The following USH2A variants were observed in gnomAD, a reference collection of about 807,000 sequenced individuals.
USH2A encodes the protein usherin.
Under a neutral mutation model 538.9 loss-of-function variants are expected in USH2A, and 443 were observed. That is an observed-to-expected ratio of 0.82 (90% CI 0.76 to 0.89). The LOEUF (loss-of-function observed/expected upper bound fraction) is 0.89, where lower values mean the gene tolerates loss of function less well. Among genes scored for constraint, USH2A ranks in the 40% least tolerant of loss-of-function variants. The pLI is 0.00. For synonymous variants in USH2A, 2,413 were observed against 2,273.5 expected, an observed-to-expected ratio of 1.06 and a Z score of -1.75; for missense variants, 6,633 against 6,324.8, an observed-to-expected ratio of 1.05 and a Z score of -1.65.
At chr1:215,699,231 A>G (rs565096585) in intron 61 of USH2A, among the ~76,000 whole-genome samples, 3 of 152,140 alleles carry the variant, frequency 2.0e-5, no homozygotes, top group Non-Finnish European at 4.4e-5. Flanking sequence ...GCCTTGTAGT[A>G]TAGTTTGAAG....
At chr1:215,887,019 G>A (rs1367598056) in intron 41 of USH2A, among the ~76,000 whole-genome samples, 7 of 152,012 alleles carry the variant, frequency 4.6e-5, no homozygotes, top group African/African-American at 1.4e-4. Context: ...CACCAAGCCT[G>A]GCTAATTTTT....
intron 61 of USH2A, among the ~76,000 whole-genome samples, chr1:215,687,379 T>C (rs1658463505): frequency 6.6e-6 from 1 of 151,370 alleles, no homozygotes; most frequent in Non-Finnish European, 1.5e-5. Context: ...GTTTTTTTTT[T>C]CCTCTCTTTA....
chr1:215,745,822 G>T (rs1660454875), intron 58 of USH2A, among the ~76,000 whole-genome samples: 1 of 152,110 alleles, frequency 6.6e-6, no homozygotes, highest in African/African-American at 2.4e-5. Flanking sequence ...TGACAAGATA[G>T]GTTTGAGAAA....
chr1:215,648,438 T>C (rs1034529459), intron 66 of USH2A, 90 bp downstream of exon 66: 7 of 1,378,278 alleles, frequency 5.1e-6, no homozygotes, highest in Middle Eastern at 1.8e-4. Flanking sequence ...TACAGGTTTG[T>C]AGCCTAGGTG....
At chr1:216,368,499 C>T (rs918711963) in intron 3 of USH2A, among the ~76,000 whole-genome samples, 1 of 152,132 alleles carries the variant, frequency 6.6e-6, no homozygotes, top group Admixed American at 6.5e-5. Flanking sequence ...TGTTACTGGA[C>T]AAATGGTAAT....
chr1:216,147,973 G>GTT (rs2033745706), intron 21 of USH2A, among the ~76,000 whole-genome samples: 2 of 28,622 alleles, frequency 7.0e-5, no homozygotes, highest in African/African-American at 2.8e-4. Context: ...CTGGCCCAAG[G>GTT]CTCTCTGACT....
At chr1:215,673,256 G>A (rs1657881758) in intron 63 of USH2A, among the ~76,000 whole-genome samples, 1 of 151,992 alleles carries the variant, frequency 6.6e-6, no homozygotes, top group Admixed American at 6.5e-5. Context: ...GTAATTATAG[G>A]AGGATCTAAT....
intron 60 of USH2A, among the ~76,000 whole-genome samples, chr1:215,735,308 A>G (rs1660126243): frequency 1.3e-5 from 2 of 152,166 alleles, no homozygotes; most frequent in African/African-American, 4.8e-5. Flanking sequence ...CACCTCCATG[A>G]TATCTTAGAG....
intron 35 of USH2A, among the ~76,000 whole-genome samples, chr1:215,987,848 TA>T (rs1263246118): frequency 6.6e-6 from 1 of 152,182 alleles, no homozygotes; most frequent in Non-Finnish European, 1.5e-5. Context: ...GTGAGAAAAG[TA>T]AATTCCACAA....
At chr1:216,106,976 A>C (rs2032750845) in intron 21 of USH2A, among the ~76,000 whole-genome samples, 1 of 151,876 alleles carries the variant, frequency 6.6e-6, no homozygotes, top group East Asian at 1.9e-4. Context: ...TAAACAGAGA[A>C]TATATTCTGA....
At chr1:215,800,730 C>A (rs1206577874) in intron 49 of USH2A, among the ~76,000 whole-genome samples, 1 of 152,052 alleles carries the variant, frequency 6.6e-6, no homozygotes, top group Non-Finnish European at 1.5e-5. Flanking sequence ...AGCAGCTATC[C>A]TTGAGATCTT....
rs983763783 is a variant in USH2A, at chr1:215,798,945, C to T, written c.9920G>A (p.Cys3307Tyr). The T allele has an allele frequency of 1.2e-6, 2 of 1,613,944 alleles. No individual in the cohort carries two copies. Among genetic ancestry groups the T allele is most frequent in the Admixed American group, 1.7e-5 (1 of 59,980 alleles). The part of the protein sequence containing the change: ...RQIVSNDLEC[C>Y]GGEEGVVYNR... Reference sequence around the variant, plus strand: ...GTACACCACTCCTTCTTCTCCACCACAACACTCTAAATCGTTGCTCACAAT... The same window carrying T: ...GTACACCACTCCTTCTTCTCCACCATAACACTCTAAATCGTTGCTCACAAT... Residue 3307 changes from cysteine to tyrosine, a missense_variant, in exon 50 of 72, where the codon TGT (cysteine) becomes TAT (tyrosine). Physicochemically the swap from Cys to Tyr is radical, Grantham distance 194. Coordinates refer to ENST00000307340, the MANE Select transcript of USH2A (RefSeq NM_206933.4).
chr1:215,633,288 G>A (rs1017104673), intron 70 of USH2A, among the ~76,000 whole-genome samples: 3 of 152,290 alleles, frequency 2.0e-5, no homozygotes, highest in East Asian at 3.9e-4. Flanking sequence ...ACAGATGTGA[G>A]TAGAGAGCCA....
intron 55 of USH2A, among the ~76,000 whole-genome samples, chr1:215,770,886 CTT>C (rs1306668986): frequency 3.6e-5 from 5 of 140,394 alleles, no homozygotes; most frequent in Non-Finnish European, 6.1e-5. Context: ...GGGTGGATCA[CTT>C]GAGGTCAGGA....
chr1:216,159,814 A>T (rs2034018877), intron 21 of USH2A, among the ~76,000 whole-genome samples: 2 of 152,084 alleles, frequency 1.3e-5, no homozygotes, highest in South Asian at 4.1e-4. Context: ...AAAAGACTTA[A>T]CTATAGATTT....
chr1:215,834,172 G>A (rs1417843176), intron 47 of USH2A, among the ~76,000 whole-genome samples: 2 of 152,122 alleles, frequency 1.3e-5, no homozygotes, highest in Non-Finnish European at 2.9e-5. Context: ...TTATGACTCA[G>A]CAATCCAACT....
At chr1:216,298,682 AT>A (rs2037153114) in intron 9 of USH2A, among the ~76,000 whole-genome samples, 1 of 152,154 alleles carries the variant, frequency 6.6e-6, no homozygotes, top group Non-Finnish European at 1.5e-5. Flanking sequence ...TCAAATTATT[AT>A]TTTTTAGATT....
At chr1:216,122,527 C>G (rs550693575) in intron 21 of USH2A, among the ~76,000 whole-genome samples, 1 of 151,972 alleles carries the variant, frequency 6.6e-6, no homozygotes, top group Non-Finnish European at 1.5e-5. Flanking sequence ...AGCCAGGCAG[C>G]AATACTGGTT....
intron 32 of USH2A, among the ~76,000 whole-genome samples, chr1:216,040,915 G>A (rs147530190): frequency 3.3e-5 from 5 of 151,916 alleles, no homozygotes; most frequent in African/African-American, 1.2e-4. Flanking sequence ...CCACAAAACT[G>A]GGAGAAAAAT....
Sources: allele counts gnomAD v4.1 joint callset (sites outside exome capture counted in the v4.1 genomes callset), GRCh38; gene constraint gnomAD v4.1.1; transcripts MANE v1.5; gene names NCBI Gene and HGNC (gene_info 2026-07-23, HGNC 2026-07-21).